The following MLLT1 variants were observed in gnomAD, a reference collection of about 807,000 sequenced individuals.
The protein encoded by MLLT1 is protein ENL.
In MLLT1, 11 loss-of-function variants were observed where a neutral mutation model predicts 55.1. The ratio of observed to expected loss-of-function variants is 0.20; its 90% CI spans 0.13 to 0.33. The LOEUF (loss-of-function observed/expected upper bound fraction) is 0.33, where lower values mean the gene tolerates loss of function less well. MLLT1 is among the 10% of genes least tolerant of loss of function. The probability of loss-of-function intolerance (pLI) is 1.00; values close to 1 mark genes in which losing one functional copy is unlikely to be tolerated. For synonymous variants in MLLT1, 323 were observed against 320.1 expected (o/e 1.01, Z -0.10); for missense variants, 536 against 760.6 (o/e 0.70, Z 3.47).
At chr19:6,243,710 C>A (rs915205621) in intron 3 of MLLT1, among the ~76,000 whole-genome samples, 3 of 152,156 alleles carry the variant, frequency 2.0e-5, no homozygotes, top group African/African-American at 7.2e-5. Context: ...CTGCCCCTCC[C>A]CCTAGAAGGG....
At chr19:6,253,691 G>A (rs2091237010) in intron 3 of MLLT1, among the ~76,000 whole-genome samples, 1 of 152,106 alleles carries the variant, frequency 6.6e-6, no homozygotes, top group Non-Finnish European at 1.5e-5. Flanking sequence ...AAATCCATCA[G>A]CGTAATACAG....
intron 3 of MLLT1, among the ~76,000 whole-genome samples, chr19:6,244,241 AAC>A (rs920358786): frequency 1.3e-5 from 2 of 151,912 alleles, no homozygotes; most frequent in Non-Finnish European, 2.9e-5. Context: ...AAGAGAGGGG[AAC>A]GTGTTCACTT....
chr19:6,269,398 T>C (rs1249629011), intron 2 of MLLT1, among the ~76,000 whole-genome samples: 1 of 152,212 alleles, frequency 6.6e-6, no homozygotes, highest in African/African-American at 2.4e-5. Context: ...TTTATAAACA[T>C]CTGCCGCTGT....
At chr19:6,258,313 T>G (rs2091275698) in intron 3 of MLLT1, among the ~76,000 whole-genome samples, 2 of 150,822 alleles carry the variant, frequency 1.3e-5, no homozygotes, top group Non-Finnish European at 1.5e-5. Flanking sequence ...GTAGATTCCA[T>G]ACTTTTGAAT....
Position 6,212,912 on chromosome 19 carries a change from C to A in MLLT1, c.*130G>T. 8.3e-7 allele frequency: 1 copy of A among 1,209,888 alleles called. No individual in the cohort carries two copies. Among genetic ancestry groups the A allele is most frequent in the Non-Finnish European group, 1.1e-6 (1 of 879,596 alleles). 74.9% of individuals were successfully genotyped at this position (1,209,888 alleles called of 1,614,324 possible). On this transcript the variant is annotated 3_prime_UTR_variant, in exon 12 of 12. Coordinates refer to ENST00000252674, the MANE Select transcript of MLLT1 (RefSeq NM_005934.4). Reference sequence around the variant, plus strand: ...GAGCCGCCGAGGAAAGTGCAGCGGGCTGTGCGGGCGAGGACAGGGCTGTCG... The same window carrying A: ...GAGCCGCCGAGGAAAGTGCAGCGGGATGTGCGGGCGAGGACAGGGCTGTCG...
In MLLT1 at chr19:6,212,904, G is replaced by A. The variant is rs2090794719; in HGVS notation, c.*138C>T. ...TGGGCAGGGAGCCGCCGAGGAAAGT[G>A]CAGCGGGCTGTGCGGGCGAGGACAG... On this transcript the variant is annotated 3_prime_UTR_variant, in exon 12 of 12. Transcript: ENST00000252674. 1 of 1,169,578 alleles carries A rather than the reference G, an allele frequency of 8.6e-7. No homozygotes were observed. Among genetic ancestry groups the A allele is most frequent in the Non-Finnish European group, 1.2e-6 (1 of 848,354 alleles). 72.5% of individuals were successfully genotyped at this position (1,169,578 alleles called of 1,614,324 possible).
Position 6,212,152 on chromosome 19 carries a change from T to C in MLLT1, c.*890A>G. The C allele has an allele frequency of 9.4e-7, 1 of 1,066,178 alleles. No homozygotes were observed. Among genetic ancestry groups the C allele is most frequent in the Non-Finnish European group, 1.1e-6 (1 of 879,558 alleles). The allele number at this position is 1,066,178 out of a possible 1,614,324, so 66.0% of individuals were successfully genotyped here. ...AGCCCCAGGGCGGCTGATGCGAGTCTGTCCGCGGAGACTGTTGGCGCTAGT... is the reference window on the plus strand; with the variant it reads ...AGCCCCAGGGCGGCTGATGCGAGTCCGTCCGCGGAGACTGTTGGCGCTAGT... On this transcript the variant is annotated 3_prime_UTR_variant, in exon 12 of 12. Coordinates refer to ENST00000252674, the MANE Select transcript of MLLT1 (RefSeq NM_005934.4).
At chr19:6,276,668 C>CG (rs1319198480) in intron 1 of MLLT1, among the ~76,000 whole-genome samples, 1 of 152,108 alleles carries the variant, frequency 6.6e-6, no homozygotes, top group Non-Finnish European at 1.5e-5. Flanking sequence ...CCCCTCCCCC[C>CG]GGCCCCAGCC....
chr19:6,279,516 G>T (rs1272864104), intron 1 of MLLT1, among the ~76,000 whole-genome samples: 3 of 151,944 alleles, frequency 2.0e-5, no homozygotes, highest in Non-Finnish European at 2.9e-5. Context: ...TCCGAGCCAG[G>T]CTGGGGGGTC....
rs2091177576 is a variant in MLLT1 at position 6,247,277 on chromosome 19, T to C, written c.276+14951A>G. ...GCAGTGAGCACACTTAGCTCCCAGATCTTGGCTTTTAAATACCATTTTCCA... is the reference window on the plus strand; with the variant it reads ...GCAGTGAGCACACTTAGCTCCCAGACCTTGGCTTTTAAATACCATTTTCCA... On this transcript the variant is annotated intron_variant, in intron 3 of 11. Coordinates refer to ENST00000252674, the MANE Select transcript of MLLT1 (RefSeq NM_005934.4). 2.0e-5 allele frequency among the ~76,000 whole-genome samples: 3 copies of C among 152,154 alleles called. No individual in the cohort carries two copies. The South Asian group carries it at 6.2e-4, about 31-fold the overall frequency.
intron 1 of MLLT1, among the ~76,000 whole-genome samples, chr19:6,278,450 C>G (rs926708706): frequency 6.7e-6 from 1 of 148,868 alleles, no homozygotes; most frequent in Admixed American, 6.7e-5. Flanking sequence ...CCCACCCACC[C>G]ACCCTGGGTT....
At chr19:6,268,452 C>A (rs997599408) in intron 2 of MLLT1, among the ~76,000 whole-genome samples, 1 of 152,122 alleles carries the variant, frequency 6.6e-6, no homozygotes, top group Admixed American at 6.5e-5. Context: ...AAGACAGCCC[C>A]GGGGAGGGAG....
At chr19:6,250,383 G>C (rs1265674315) in intron 3 of MLLT1, among the ~76,000 whole-genome samples, 6 of 152,150 alleles carry the variant, frequency 3.9e-5, no homozygotes, top group African/African-American at 1.4e-4. Context: ...ATTAAACATA[G>C]AATTACCATA....
chr19:6,262,835 T>C lies in MLLT1; in HGVS notation c.194-525A>G. 6.6e-6 allele frequency among the ~76,000 whole-genome samples: 1 copy of C among 150,618 alleles called. No homozygotes were observed. On this transcript the variant is annotated intron_variant, in intron 2 of 11. Coordinates refer to ENST00000252674, the MANE Select transcript of MLLT1 (RefSeq NM_005934.4). The surrounding 1 kb of genome is among the most constrained non-coding windows in gnomAD (Gnocchi z 4.4). The stretch of plus-strand genomic sequence containing the variant: ...TCCTGGGTTCTAGTTTAGCACCTAA[T>C]AAGAGCATTCCCAAGTGACGCAAAC...
In MLLT1 at chr19:6,262,133, G is replaced by T. The variant is rs984518270; in HGVS notation, c.276+95C>A. On this transcript the variant is annotated intron_variant, in intron 3 of 11. Coordinates refer to ENST00000252674, the MANE Select transcript of MLLT1 (RefSeq NM_005934.4). The surrounding 1 kb of genome is among the most constrained non-coding windows in gnomAD (Gnocchi z 4.4). ...ACTGGAATGTCTGTGCATGGGCAGC[G>T]GCCAGTTCTCTGGCCTGTTTTGTGA... 1.1e-6 allele frequency: 1 copy of T among 932,476 alleles called. No homozygotes were observed. Among genetic ancestry groups the T allele is most frequent in the East Asian group, 2.4e-5 (1 of 41,368 alleles). The allele number at this position is 932,476 out of a possible 1,614,324, so 57.8% of individuals were successfully genotyped here.
chr19:6,253,231 C>A (rs34342022), intron 3 of MLLT1, among the ~76,000 whole-genome samples: 3 of 129,076 alleles, frequency 2.3e-5, no homozygotes, highest in Admixed American at 1.8e-4. Flanking sequence ...CGCCACTGCA[C>A]TCCAGCCTGG....
chr19:6,256,920 C>T lies in MLLT1; in HGVS notation c.276+5308G>A, dbSNP rs2091261898. ...GATTTTCAACAACGCTCTAACACCA[C>T]TCGATGGCGAAAGAACAGTCTCTTC... On this transcript the variant is annotated intron_variant, in intron 3 of 11. Transcript: ENST00000252674. The surrounding 1 kb of genome is among the most constrained non-coding windows in gnomAD (Gnocchi z 4.1). Among the ~76,000 whole-genome samples, 1 of 152,210 alleles carries T rather than the reference C, an allele frequency of 6.6e-6. No homozygotes were observed. Among genetic ancestry groups the T allele is most frequent in the Non-Finnish European group, 1.5e-5 (1 of 68,034 alleles).
intron 3 of MLLT1, among the ~76,000 whole-genome samples, chr19:6,249,392 C>G (rs2091195834): frequency 6.6e-6 from 1 of 152,098 alleles, no homozygotes; most frequent in Non-Finnish European, 1.5e-5. Context: ...TGACCACTTC[C>G]AGGACAACAA....
intron 11 of MLLT1, 26 bp downstream of exon 11, chr19:6,213,311 G>A (rs376578641): frequency 5.6e-5 from 91 of 1,611,908 alleles, no homozygotes; most frequent in South Asian, 2.4e-4. Flanking sequence ...GACCTCTGCC[G>A]GGCAGGACCC....
Sources: gnomAD v4.1 joint callset for allele counts (sites outside exome capture counted in the v4.1 genomes callset) on GRCh38, gnomAD v4.1.1 for gene constraint, Gnocchi (gnomAD v3.1) non-coding constraint, MANE v1.5 for transcripts, NCBI Gene and HGNC (gene_info 2026-07-23, HGNC 2026-07-21) for gene names.